Variants in XKR6 observed in about 807,000 individuals in gnomAD.
XKR6 encodes XK-related protein 6.
Under a neutral mutation model 56.7 loss-of-function variants are expected in XKR6, and 22 were observed. The observed-to-expected ratio is 0.39, with a 90% CI of 0.28 to 0.55. The LOEUF (loss-of-function observed/expected upper bound fraction) is 0.55. XKR6 is among the 20% of genes least tolerant of loss of function. The pLI, the probability that XKR6 is intolerant of heterozygous loss-of-function variation, is 0.66. For synonymous variants in XKR6, 524 were observed against 387.8 expected (o/e 1.35, Z -4.13); for missense variants, 852 against 889.0 (o/e 0.96, Z 0.53).
chr8:11,136,504 CAA>C (rs34465755), intron 1 of XKR6, among the ~76,000 whole-genome samples: 19,503 of 111,194 alleles, frequency 0.18, 2,040 homozygotes, highest in African/African-American at 0.37. Context: ...AACTCTGTCT[CAA>C]AAAAAAAAAA....
intron 1 of XKR6, among the ~76,000 whole-genome samples, chr8:11,117,380 C>T (rs1799232060): frequency 6.6e-6 from 1 of 152,214 alleles, no homozygotes; most frequent in Non-Finnish European, 1.5e-5. Flanking sequence ...TGCAACTTCA[C>T]ATATGCAGCT....
intron 1 of XKR6, among the ~76,000 whole-genome samples, chr8:10,968,841 G>A (rs1282716990): frequency 1.3e-5 from 2 of 152,232 alleles, no homozygotes; most frequent in African/African-American, 4.8e-5. Context: ...AGGGGCTCTG[G>A]GACTGGGGAG....
chr8:11,060,014 G>A (rs1586490407), intron 1 of XKR6, among the ~76,000 whole-genome samples: 1 of 152,126 alleles, frequency 6.6e-6, no homozygotes, highest in African/African-American at 2.4e-5. Flanking sequence ...AATAAGGTCT[G>A]GTTTAAAATT....
intron 1 of XKR6, among the ~76,000 whole-genome samples, chr8:11,091,290 T>A (rs1363338753): frequency 6.6e-6 from 1 of 151,996 alleles, no homozygotes; most frequent in Non-Finnish European, 1.5e-5. Context: ...ATTTATAAAT[T>A]AGCCAGGTGT....
intron 2 of XKR6, among the ~76,000 whole-genome samples, chr8:10,900,914 G>A (rs1266655065): frequency 1.4e-5 from 2 of 147,400 alleles, no homozygotes; most frequent in Non-Finnish European, 3.0e-5. Context: ...GAGTGCAGAG[G>A]CATAATCATT....
At chr8:11,128,726 T>C (rs1352848491) in intron 1 of XKR6, 1 of 412,450 alleles carries the variant, frequency 2.4e-6, no homozygotes, top group African/African-American at 2.1e-5. Context: ...TTCCATCCCA[T>C]TAAAAATCTT....
At chr8:11,101,016 T>C (rs2409703) in intron 1 of XKR6, among the ~76,000 whole-genome samples, 18,739 of 152,156 alleles carry the variant, frequency 0.12, 1,508 homozygotes, top group African/African-American at 0.23. Context: ...CCTGCAGTGG[T>C]ACCACGCACA....
intron 1 of XKR6, among the ~76,000 whole-genome samples, chr8:11,124,972 C>T (rs1367836683): frequency 6.6e-6 from 1 of 150,828 alleles, no homozygotes; most frequent in Non-Finnish European, 1.5e-5. Flanking sequence ...GCCTGTAGTC[C>T]CAGCTACTCG....
intron 2 of XKR6, among the ~76,000 whole-genome samples, chr8:10,900,752 C>A (rs1448786928): frequency 1.3e-5 from 2 of 151,920 alleles, no homozygotes; most frequent in Admixed American, 6.6e-5. Flanking sequence ...GTCAGGGAAC[C>A]TTTTAGTGCT....
chr8:10,937,668 T>G (rs549243316), intron 1 of XKR6, among the ~76,000 whole-genome samples: 1 of 148,728 alleles, frequency 6.7e-6, no homozygotes. Flanking sequence ...CCGTGTGAGG[T>G]GTCAGTGTGC....
intron 1 of XKR6, among the ~76,000 whole-genome samples, chr8:10,986,055 G>A (rs1028885565): frequency 6.6e-6 from 1 of 152,180 alleles, no homozygotes. Flanking sequence ...ACAGAATAGT[G>A]GAAACAATAT....
intron 1 of XKR6, among the ~76,000 whole-genome samples, chr8:11,030,766 G>A (rs779830392): frequency 2.6e-5 from 4 of 152,170 alleles, no homozygotes; most frequent in Non-Finnish European, 5.9e-5. Context: ...TCTCCTAGGC[G>A]TGGAGGGTGG....
chr8:10,945,491 A>G (rs1801507156), intron 1 of XKR6, among the ~76,000 whole-genome samples: 1 of 152,220 alleles, frequency 6.6e-6, no homozygotes, highest in African/African-American at 2.4e-5. Flanking sequence ...CTCTAAATAA[A>G]TAAATAAAAA....
intron 1 of XKR6, among the ~76,000 whole-genome samples, chr8:11,125,419 A>G (rs1056997108): frequency 1.3e-5 from 2 of 152,168 alleles, no homozygotes; most frequent in Non-Finnish European, 2.9e-5. Context: ...ACAACACACC[A>G]AGATCTAGAA....
At chr8:11,086,148 A>ATATATATATATTTTTTT (rs71203369) in intron 1 of XKR6, among the ~76,000 whole-genome samples, 1 of 120,722 alleles carries the variant, frequency 8.3e-6, no homozygotes, top group African/African-American at 3.9e-5. Context: ...ATATATATAT[A>ATATATATATATTTTTTT]TTTTTTTTTA....
intron 2 of XKR6, among the ~76,000 whole-genome samples, chr8:10,907,819 C>G (rs1800224285): frequency 6.6e-6 from 1 of 152,122 alleles, no homozygotes; most frequent in Non-Finnish European, 1.5e-5. Context: ...CAGCCGAGGA[C>G]CCACCCCGCG....
intron 1 of XKR6, among the ~76,000 whole-genome samples, chr8:11,025,583 G>C (rs186754478): frequency 3.8e-4 from 58 of 152,290 alleles, no homozygotes; most frequent in African/African-American, 1.3e-3. Context: ...TACACGGAAA[G>C]AAGTGAACAC....
At chr8:11,046,397 C>A (rs1239083442) in intron 1 of XKR6, among the ~76,000 whole-genome samples, 2 of 151,704 alleles carry the variant, frequency 1.3e-5, no homozygotes, top group African/African-American at 4.8e-5. Context: ...GGGACTCTGT[C>A]TCAAAAGAAG....
Position 11,054,783 on chromosome 8 carries a change from G to A in XKR6, c.765-129953C>T, listed in dbSNP as rs576817840. Among the ~76,000 whole-genome samples, 56 of 152,344 alleles carry A rather than the reference G, an allele frequency of 3.7e-4. 1 individual carries two copies. Among genetic ancestry groups the A allele is most frequent in the African/African-American group, 1.3e-3 (54 of 41,576 alleles). On this transcript the variant is annotated intron_variant, in intron 1 of 2. Coordinates refer to ENST00000416569, the MANE Select transcript of XKR6 (RefSeq NM_173683.4). ...CTGGTGTGGGTGAGGGTCCGAGGGC[G>A]GGGGCTGCCAGGGTGGTGCTCACTG...
Sources: allele counts gnomAD v4.1 joint callset (sites outside exome capture counted in the v4.1 genomes callset), GRCh38; gene constraint gnomAD v4.1.1; transcripts MANE v1.5; gene names NCBI Gene and HGNC (gene_info 2026-07-23, HGNC 2026-07-21).